SRD5A2: variants seen among roughly 807,000 people sequenced by gnomAD.
The protein encoded by SRD5A2 is 3-oxo-5-alpha-steroid 4-dehydrogenase 2.
SRD5A2 carries 30 observed loss-of-function variants against 27.4 expected under a neutral mutation model. That is an observed-to-expected ratio of 1.10 (90% confidence interval 0.82 to 1.49). The LOEUF is 1.49. SRD5A2 is among the 40% of genes most tolerant of loss of function. SRD5A2 has a pLI of 0.00. For missense variants in SRD5A2, 348 were observed against 323.4 expected (o/e 1.08, Z -0.58); for synonymous variants, 141 against 133.6 (o/e 1.06, Z -0.38).
chr2:31,649,297 T>C, the SRD5A2 span, among the ~76,000 whole-genome samples: 2 of 152,190 alleles, frequency 1.3e-5, no homozygotes, highest in Non-Finnish European at 2.9e-5. Flanking sequence ...TCGACCTGAA[T>C]ACACACCTTA....
At chr2:31,596,472 T>C in the SRD5A2 span, among the ~76,000 whole-genome samples, 1 of 151,242 alleles carries the variant, frequency 6.6e-6, no homozygotes, top group Non-Finnish European at 1.5e-5. Context: ...TTTAACATAG[T>C]ACTGGAAGTC....
chr2:31,535,001 G>C (rs951208264), intron 1 of SRD5A2, among the ~76,000 whole-genome samples: 1 of 151,474 alleles, frequency 6.6e-6, no homozygotes, highest in Admixed American at 6.6e-5. Context: ...ATGCAGACAG[G>C]TGTTGCATTA....
intron 3 of SRD5A2, among the ~76,000 whole-genome samples, chr2:31,530,102 G>A (rs984394326): frequency 6.6e-6 from 1 of 152,068 alleles, no homozygotes; most frequent in African/African-American, 2.4e-5. Flanking sequence ...TCTCAGGACT[G>A]TATCTAGAAA....
At chr2:31,659,532 C>G in the SRD5A2 span, among the ~76,000 whole-genome samples, 1 of 152,090 alleles carries the variant, frequency 6.6e-6, no homozygotes, top group African/African-American at 2.4e-5. Flanking sequence ...TTTCTATACA[C>G]CAACAACATC....
At chr2:31,570,279 T>C (rs1666824731) in intron 1 of SRD5A2, among the ~76,000 whole-genome samples, 1 of 152,138 alleles carries the variant, frequency 6.6e-6, no homozygotes, top group South Asian at 2.1e-4. Context: ...AAAAACTACA[T>C]GATTATCTTA....
At chr2:31,549,002 T>G (rs141451926) in intron 1 of SRD5A2, among the ~76,000 whole-genome samples, 1 of 151,720 alleles carries the variant, frequency 6.6e-6, no homozygotes, top group East Asian at 1.9e-4. Context: ...ATGATTCACT[T>G]ATATGAGGTA....
At chr2:31,628,319 T>A in the SRD5A2 span, among the ~76,000 whole-genome samples, 1 of 152,160 alleles carries the variant, frequency 6.6e-6, no homozygotes, top group Admixed American at 6.6e-5. Flanking sequence ...TTCCATTTGC[T>A]TGGTCGATTT....
At chr2:31,653,487 T>C in the SRD5A2 span, among the ~76,000 whole-genome samples, 1 of 152,302 alleles carries the variant, frequency 6.6e-6, no homozygotes, top group East Asian at 1.9e-4. Context: ...TTTCTTTACA[T>C]AAGATTGTTT....
At position 31,525,562 on chromosome 2, in the gene SRD5A2, T is replaced by C. The variant is rs1320223149; in HGVS notation, c.*634A>G. The stretch of plus-strand genomic sequence containing the variant: ...CTGGAAAACAGAGGCACTCATCAAC[T>C]AAGACACTGCACAAATTTGAAATGA... On this transcript the variant is annotated 3_prime_UTR_variant, in exon 5 of 5. Transcript: ENST00000622030. 8.9e-6 allele frequency: 2 copies of C among 225,558 alleles called. No homozygotes were observed. Among genetic ancestry groups the C allele is most frequent in the African/African-American group, 4.5e-5 (2 of 44,898 alleles). The allele number at this position is 225,558 out of a possible 1,614,324, so 14.0% of individuals were successfully genotyped here.
chr2:31,587,780 G>A, the SRD5A2 span, among the ~76,000 whole-genome samples: 2 of 152,186 alleles, frequency 1.3e-5, 1 homozygote, highest in South Asian at 4.1e-4. Flanking sequence ...AGAGCGTTAG[G>A]ACAAATACCA....
chr2:31,556,546 G>A (rs1666498653), intron 1 of SRD5A2, among the ~76,000 whole-genome samples: 1 of 152,174 alleles, frequency 6.6e-6, no homozygotes, highest in African/African-American at 2.4e-5. Context: ...AATACCAGGA[G>A]AAGAAAGACA....
At chr2:31,577,219 A>C in intron 1 of SRD5A2, among the ~76,000 whole-genome samples, 1 of 134,106 alleles carries the variant, frequency 7.5e-6, no homozygotes, top group Non-Finnish European at 1.6e-5. Flanking sequence ...TGCCTTTGGC[A>C]GTGGGATTAG....
At chr2:31,541,365 A>C (rs1485428953) in intron 1 of SRD5A2, among the ~76,000 whole-genome samples, 1 of 148,628 alleles carries the variant, frequency 6.7e-6, no homozygotes, top group Non-Finnish European at 1.5e-5. Flanking sequence ...CAAGGCATTC[A>C]AAAAAAAAAG....
the SRD5A2 span, among the ~76,000 whole-genome samples, chr2:31,659,311 AG>A: frequency 2.1e-4 from 32 of 152,330 alleles, no homozygotes; most frequent in African/African-American, 6.7e-4. Context: ...TATTCAACAT[AG>A]TACTGGAAGT....
At chr2:31,575,645 C>T (rs917655359) in intron 1 of SRD5A2, among the ~76,000 whole-genome samples, 1 of 152,046 alleles carries the variant, frequency 6.6e-6, no homozygotes, top group Non-Finnish European at 1.5e-5. Context: ...TTTGGCTAAT[C>T]AAAAAAATGT....
At chr2:31,587,852 ATGTATACCTATG>A in the SRD5A2 span, among the ~76,000 whole-genome samples, 1 of 152,326 alleles carries the variant, frequency 6.6e-6, no homozygotes, top group African/African-American at 2.4e-5. Context: ...ACCATGGCAC[ATGTATACCTATG>A]TAACAAACCT....
At chr2:31,644,954 T>C in the SRD5A2 span, among the ~76,000 whole-genome samples, 2 of 152,190 alleles carry the variant, frequency 1.3e-5, no homozygotes, top group Non-Finnish European at 2.9e-5. Context: ...AGCTTATTAA[T>C]TTATCTCAAA....
chr2:31,535,104 C>A, intron 1 of SRD5A2, among the ~76,000 whole-genome samples: 1 of 151,802 alleles, frequency 6.6e-6, no homozygotes, highest in East Asian at 1.9e-4. Context: ...TCACTGCAAC[C>A]TCCACCTCCA....
chr2:31,646,783 C>G, the SRD5A2 span, among the ~76,000 whole-genome samples: 1 of 152,150 alleles, frequency 6.6e-6, no homozygotes, highest in Non-Finnish European at 1.5e-5. Context: ...TGTGCCAGGT[C>G]AAGCAAAGCT....
Sources: allele counts gnomAD v4.1 joint callset (sites outside exome capture counted in the v4.1 genomes callset), GRCh38; gene constraint gnomAD v4.1.1; transcripts MANE v1.5; gene names NCBI Gene and HGNC (gene_info 2026-07-23, HGNC 2026-07-21).